The following PCDHA1 variants were observed in gnomAD, a reference collection of about 807,000 sequenced individuals.
PCDHA1 encodes the protein protocadherin alpha 1, also known as protocadherin alpha-1.
PCDHA1 carries 42 observed loss-of-function variants against 61.3 expected under a neutral mutation model. The ratio of observed to expected loss-of-function variants is 0.69; its 90% CI spans 0.54 to 0.89. The LOEUF is 0.89. PCDHA1 is among the 40% of genes least tolerant of loss of function. The pLI is 0.00. For missense variants in PCDHA1, 1,256 were observed against 1,235.3 expected, an observed-to-expected ratio of 1.02 and a Z score of -0.25; for synonymous variants, 610 against 553.8, an observed-to-expected ratio of 1.10 and a Z score of -1.43.
chr5:140,837,528 A>G (rs1205185632), intron 1 of PCDHA1, among the ~76,000 whole-genome samples: 2 of 151,654 alleles, frequency 1.3e-5, no homozygotes, highest in African/African-American at 2.4e-5. Flanking sequence ...TTTTTTGTAT[A>G]TTCCCAAGAT....
chr5:140,877,569 C>T (rs782129855), intron 1 of PCDHA1: 1 of 1,613,806 alleles, frequency 6.2e-7, no homozygotes, highest in Admixed American at 1.7e-5. Flanking sequence ...TTAACGTGTA[C>T]CTCATCATCG....
chr5:141,007,683 A>G (rs576789056), intron 3 of PCDHA1, among the ~76,000 whole-genome samples: 1 of 152,268 alleles, frequency 6.6e-6, no homozygotes, highest in African/African-American at 2.4e-5. Context: ...AAGTTATCCT[A>G]CTTCCACCTC....
At position 140,786,225 on chromosome 5, in the gene PCDHA1, AT is replaced by A; in HGVS notation, c.-65del. 1 of 1,506,368 alleles carries A rather than the reference AT, an allele frequency of 6.6e-7. No individual in the cohort carries two copies. Among genetic ancestry groups the A allele is most frequent in the East Asian group, 2.3e-5 (1 of 44,132 alleles). 93.3% of individuals were successfully genotyped at this position (1,506,368 alleles called of 1,614,324 possible). A position where few individuals can be genotyped will look rare whatever the true frequency, so the allele number is the denominator to read the frequency against. Reference sequence around the variant, plus strand: ...ACGGTAAAGAGATAAATGATTGGAAATATTAGATAAAATGGCATGATTTTGA... The same window carrying A: ...ACGGTAAAGAGATAAATGATTGGAAAATTAGATAAAATGGCATGATTTTGA... On this transcript the variant is annotated 5_prime_UTR_variant, in exon 1 of 4. The change abolishes the stop of an existing upstream ORF in the 5' untranslated region. Transcript: ENST00000504120.
intron 1 of PCDHA1, chr5:140,927,555 C>T (rs1554204727): frequency 8.7e-6 from 14 of 1,614,058 alleles, no homozygotes; most frequent in East Asian, 2.2e-5. Flanking sequence ...AAGTCACCAT[C>T]ATTGTGGTGG....
intron 3 of PCDHA1, among the ~76,000 whole-genome samples, chr5:140,990,648 A>G (rs2097404919): frequency 2.0e-5 from 3 of 152,220 alleles, no homozygotes; most frequent in Admixed American, 1.3e-4. Flanking sequence ...CTCAGCCAGT[A>G]TGAATGATTT....
chr5:140,868,265 T>G (rs182913735), intron 1 of PCDHA1: 1 of 152,250 alleles, frequency 6.6e-6, no homozygotes, highest in African/African-American at 2.4e-5. Flanking sequence ...GTGGATTCTT[T>G]TTTAAAACTA....
intron 1 of PCDHA1, 187 bp downstream of exon 1, chr5:140,788,871 A>C (rs1761500394): frequency 1.5e-6 from 2 of 1,334,908 alleles, no homozygotes; most frequent in Non-Finnish European, 1.9e-6. Context: ...AGCAAAGAAA[A>C]ATGTAGGGAC....
At chr5:140,989,656 A>T (rs2153884121) in intron 3 of PCDHA1, among the ~76,000 whole-genome samples, 1 of 152,326 alleles carries the variant, frequency 6.6e-6, no homozygotes, top group Non-Finnish European at 1.5e-5. Context: ...GCAATATTTT[A>T]AAAGAAACTC....
intron 1 of PCDHA1, chr5:140,836,297 T>A: frequency 1.2e-6 from 2 of 1,613,694 alleles, no homozygotes; most frequent in Non-Finnish European, 1.7e-6. Context: ...GAGCCCTAGA[T>A]GAGACGGACG....
intron 1 of PCDHA1, chr5:140,834,842 A>C: frequency 6.2e-7 from 1 of 1,611,330 alleles, no homozygotes; most frequent in Non-Finnish European, 8.5e-7. Flanking sequence ...CTCGGTTTCC[A>C]CTAGAGGGCG....
At chr5:140,803,689 A>G in intron 1 of PCDHA1, 1 of 1,560,856 alleles carries the variant, frequency 6.4e-7, no homozygotes, top group Non-Finnish European at 8.7e-7. Flanking sequence ...AGTATGAATT[A>G]TGTGATTCAT....
At chr5:140,909,025 T>C (rs1226589511) in intron 1 of PCDHA1, among the ~76,000 whole-genome samples, 1 of 152,156 alleles carries the variant, frequency 6.6e-6, no homozygotes, top group African/African-American at 2.4e-5. Context: ...TGAATTTTAG[T>C]CATTTATTTT....
chr5:140,823,023 C>G, intron 1 of PCDHA1: 1 of 1,614,226 alleles, frequency 6.2e-7, no homozygotes, highest in Non-Finnish European at 8.5e-7. Context: ...ACCGCGAGAG[C>G]GTGTCGGTCT....
At chr5:140,828,741 G>C (rs201515728) in intron 1 of PCDHA1, 1 of 1,614,220 alleles carries the variant, frequency 6.2e-7, no homozygotes. Flanking sequence ...GCCACAGATG[G>C]GGGCAAACCT....
At chr5:140,979,120 T>A in intron 2 of PCDHA1, 113 bp downstream of exon 2, 1 of 1,497,648 alleles carries the variant, frequency 6.7e-7, no homozygotes, top group Non-Finnish European at 8.9e-7. Flanking sequence ...CTTTAGGTAC[T>A]TTGCCAGGAA....
chr5:140,852,133 A>G, intron 1 of PCDHA1: 1 of 888,968 alleles, frequency 1.1e-6, no homozygotes, highest in Non-Finnish European at 1.4e-6. Context: ...AAAACTCAGT[A>G]GAGAAAGATC....
intron 3 of PCDHA1, among the ~76,000 whole-genome samples, chr5:140,992,128 G>GACTGATGAT (rs2097493639): frequency 6.6e-6 from 1 of 151,816 alleles, no homozygotes; most frequent in Non-Finnish European, 1.5e-5. Context: ...GAAGAACAGT[G>GACTGATGAT]ACTGATGATG....
chr5:140,927,564 G>A (rs868927450), intron 1 of PCDHA1: 1 of 1,614,150 alleles, frequency 6.2e-7, no homozygotes, highest in South Asian at 1.1e-5. Context: ...TCATTGTGGT[G>A]GACACAAATG....
intron 1 of PCDHA1, chr5:140,796,671 G>A (rs1455418008): frequency 6.2e-7 from 1 of 1,613,904 alleles, no homozygotes; most frequent in Non-Finnish European, 8.5e-7. Context: ...TGGCGCCTAG[G>A]GCTGGCACCG....
Sources: gnomAD v4.1 joint callset for allele counts (sites outside exome capture counted in the v4.1 genomes callset) on GRCh38, gnomAD v4.1.1 for gene constraint, MANE v1.5 for transcripts, NCBI Gene and HGNC (gene_info 2026-07-23, HGNC 2026-07-21) for gene names.